The following SPOCK3 variants were observed in gnomAD, a reference collection of about 807,000 sequenced individuals.
SPOCK3 encodes SPARC (osteonectin), cwcv and kazal like domains proteoglycan 3.
In SPOCK3, 30 loss-of-function variants were observed where a neutral mutation model predicts 56.6. The ratio of observed to expected loss-of-function variants is 0.53; its 90% CI spans 0.40 to 0.72. The LOEUF (loss-of-function observed/expected upper bound fraction) is 0.72, where lower values mean the gene tolerates loss of function less well. SPOCK3 is among the 30% of genes least tolerant of loss of function. The pLI, the probability that SPOCK3 is intolerant of heterozygous loss-of-function variation, is 0.00. For synonymous variants in SPOCK3, 196 were observed against 183.3 expected (o/e 1.07, Z -0.56); for missense variants, 527 against 530.0 (o/e 0.99, Z 0.06).
chr4:167,173,139 T>A (rs936576243), intron 2 of SPOCK3, among the ~76,000 whole-genome samples: 1 of 152,136 alleles, frequency 6.6e-6, no homozygotes, highest in Non-Finnish European at 1.5e-5. Flanking sequence ...ACTTCCCACT[T>A]TCATTCTTCA....
At chr4:166,954,605 G>T (rs373074397) in intron 4 of SPOCK3, among the ~76,000 whole-genome samples, 3 of 152,168 alleles carry the variant, frequency 2.0e-5, no homozygotes, top group Admixed American at 1.3e-4. Flanking sequence ...TCAAAAATCA[G>T]TTGGCTGTAT....
chr4:167,180,446 A>G (rs559667961), intron 2 of SPOCK3, among the ~76,000 whole-genome samples: 1 of 152,202 alleles, frequency 6.6e-6, no homozygotes. Flanking sequence ...GTTAAGCCAC[A>G]ATCACGAGCT....
At chr4:166,754,150 A>C in intron 8 of SPOCK3, 1 of 1,005,484 alleles carries the variant, frequency 9.9e-7, no homozygotes, top group Non-Finnish European at 1.2e-6. Flanking sequence ...TAGTGATAAA[A>C]AATCCATTTA....
chr4:166,895,048 CATTTT>C (rs1448344864), intron 5 of SPOCK3, among the ~76,000 whole-genome samples: 2 of 152,030 alleles, frequency 1.3e-5, no homozygotes, highest in South Asian at 2.1e-4. Flanking sequence ...ATAATAATTT[CATTTT>C]ATTTGTTTAA....
chr4:167,209,302 A>G (rs1734641481), intron 2 of SPOCK3, among the ~76,000 whole-genome samples: 1 of 152,126 alleles, frequency 6.6e-6, no homozygotes, highest in Non-Finnish European at 1.5e-5. Context: ...TTTTAAATTG[A>G]AGCAAATATG....
At chr4:167,079,075 A>T (rs1334671001) in intron 2 of SPOCK3, among the ~76,000 whole-genome samples, 2 of 147,220 alleles carry the variant, frequency 1.4e-5, no homozygotes, top group African/African-American at 5.0e-5. Context: ...TGGGCAAATG[A>T]AAAAAAAAAA....
intron 2 of SPOCK3, among the ~76,000 whole-genome samples, chr4:167,173,662 T>G (rs35227700): frequency 0.031 from 4,665 of 152,248 alleles, 111 homozygotes; most frequent in Middle Eastern, 0.075. Context: ...AACAGGCGTA[T>G]TTGAGTGCCT....
At chr4:167,140,122 C>T (rs1385517) in intron 2 of SPOCK3, among the ~76,000 whole-genome samples, 5,704 of 152,054 alleles carry the variant, frequency 0.038, 144 homozygotes, top group African/African-American at 0.057. Flanking sequence ...CTGAATGCAC[C>T]GGATGGAGCC....
chr4:166,932,708 G>A (rs1561024704), intron 4 of SPOCK3, among the ~76,000 whole-genome samples: 4 of 152,138 alleles, frequency 2.6e-5, no homozygotes, highest in Admixed American at 2.0e-4. Flanking sequence ...TCATGAGAAT[G>A]TAGTCTCTTT....
At chr4:166,821,992 T>C (rs1427713665) in intron 6 of SPOCK3, among the ~76,000 whole-genome samples, 2 of 152,050 alleles carry the variant, frequency 1.3e-5, no homozygotes, top group Non-Finnish European at 2.9e-5. Flanking sequence ...AATGATCGAG[T>C]AGGTATTTAA....
intron 4 of SPOCK3, among the ~76,000 whole-genome samples, chr4:166,965,031 G>A (rs1744564599): frequency 6.6e-6 from 1 of 151,844 alleles, no homozygotes; most frequent in Non-Finnish European, 1.5e-5. Flanking sequence ...GCCATTTTGA[G>A]CTCTTACACT....
chr4:167,012,148 T>C (rs573234906), intron 3 of SPOCK3, among the ~76,000 whole-genome samples: 88 of 151,926 alleles, frequency 5.8e-4, no homozygotes, highest in African/African-American at 1.9e-3. Flanking sequence ...AAAATGAAAA[T>C]CTAAAAGAAA....
At chr4:167,122,339 G>T (rs777129999) in intron 2 of SPOCK3, among the ~76,000 whole-genome samples, 1 of 152,004 alleles carries the variant, frequency 6.6e-6, no homozygotes, top group Non-Finnish European at 1.5e-5. Context: ...CTGTGGAGAC[G>T]GGGTTTTGCC....
chr4:166,737,370 A>G, intron 10 of SPOCK3, 97 bp downstream of exon 10: 1 of 1,318,126 alleles, frequency 7.6e-7, no homozygotes, highest in Non-Finnish European at 1.0e-6. Flanking sequence ...CTTTGCATAG[A>G]GTAAGTCCTC....
chr4:167,218,400 A>G (rs1446811778), intron 2 of SPOCK3, among the ~76,000 whole-genome samples: 2 of 152,114 alleles, frequency 1.3e-5, no homozygotes, highest in African/African-American at 4.8e-5. Context: ...TCTAGAACCT[A>G]CACATTAGAG....
chr4:167,106,332 T>C (rs963960088), intron 2 of SPOCK3, among the ~76,000 whole-genome samples: 1 of 151,074 alleles, frequency 6.6e-6, no homozygotes, highest in African/African-American at 2.4e-5. Flanking sequence ...ATAAGAGGAG[T>C]CTTGGACACT....
chr4:167,052,826 T>C (rs757944613), intron 3 of SPOCK3, among the ~76,000 whole-genome samples: 13 of 152,212 alleles, frequency 8.5e-5, no homozygotes, highest in Non-Finnish European at 1.6e-4. Context: ...AGACAGCCAA[T>C]ATTGATATTG....
chr4:167,101,511 A>C (rs1759642566), intron 2 of SPOCK3, among the ~76,000 whole-genome samples: 1 of 151,924 alleles, frequency 6.6e-6, no homozygotes, highest in Non-Finnish European at 1.5e-5. Context: ...AGAAACTCAC[A>C]TGATCATATT....
intron 2 of SPOCK3, among the ~76,000 whole-genome samples, chr4:167,205,412 A>C (rs1160753916): frequency 2.0e-5 from 1 of 49,114 alleles, no homozygotes; most frequent in East Asian, 8.8e-4. Flanking sequence ...TATATTATAT[A>C]TTAAATATAT....
Sources: allele counts gnomAD v4.1 joint callset (sites outside exome capture counted in the v4.1 genomes callset), GRCh38; gene constraint gnomAD v4.1.1; transcripts MANE v1.5; gene names NCBI Gene and HGNC (gene_info 2026-07-23, HGNC 2026-07-21).